Variants in HAUS3 observed in about 807,000 individuals in gnomAD.
HAUS3 encodes the protein HAUS augmin-like complex subunit 3.
In HAUS3, 36 loss-of-function variants were observed where a neutral mutation model predicts 55.2. The ratio of observed to expected loss-of-function variants is 0.65; its 90% CI spans 0.50 to 0.86. The LOEUF (loss-of-function observed/expected upper bound fraction) is 0.86, where lower values mean the gene tolerates loss of function less well. Ranked by LOEUF, HAUS3 falls within the 40% of genes least tolerant of loss-of-function variation. The pLI is 0.00. For synonymous variants in HAUS3, 234 were observed against 238.6 expected (o/e 0.98, Z 0.18); for missense variants, 752 against 671.5 (o/e 1.12, Z -1.33).
At chr4:2,239,358 C>G (rs1486060760) in intron 3 of HAUS3, among the ~76,000 whole-genome samples, 1 of 152,118 alleles carries the variant, frequency 6.6e-6, no homozygotes, top group Non-Finnish European at 1.5e-5. Flanking sequence ...GTATATGTTA[C>G]TAGTTTTTCT....
Position 2,240,165 on chromosome 4 carries a change from T to G in HAUS3, c.782A>C (p.Glu261Ala). 6.2e-7 allele frequency: 1 copy of G among 1,614,052 alleles called. No homozygotes were observed. The highest frequency in any genetic ancestry group is 8.5e-7 in the Non-Finnish European group (1 of 1,179,886). ...NQEILEERRL[E>A]MARLQLAYIC... ...GTATGCGAGCTGCAGTCTAGCCATCTCTAGTCGTCTCTCCTCAAGGATTTC... is the reference window on the plus strand; with the variant it reads ...GTATGCGAGCTGCAGTCTAGCCATCGCTAGTCGTCTCTCCTCAAGGATTTC... The change falls in exon 3 of 6, where the codon GAG (glutamate) becomes GCG (alanine). Residue 261 changes from glutamate (E) to alanine (A), a missense_variant. Glu to Ala is a moderately radical substitution (Grantham distance 107). Coordinates refer to ENST00000443786, the MANE Select transcript of HAUS3 (RefSeq NM_001303143.2).
At chr4:2,238,295 C>A (rs1734838488) in intron 4 of HAUS3, among the ~76,000 whole-genome samples, 2 of 152,172 alleles carry the variant, frequency 1.3e-5, no homozygotes, top group Non-Finnish European at 2.9e-5. Context: ...TGTATTCAAA[C>A]TTCCTGCCCC....
At position 2,240,582 on chromosome 4, in the gene HAUS3, T is replaced by G; in HGVS notation, c.365A>C (p.Lys122Thr). Reference sequence around the variant, plus strand: ...AGTTACTGAAGCCATCAATTGACATTTATTACGTCGCTGAATTTTTAGGTT... The same window carrying G: ...AGTTACTGAAGCCATCAATTGACATGTATTACGTCGCTGAATTTTTAGGTT... The part of the protein sequence containing the change: ...LKNLKIQRRN[K>T]CQLMASVTSH... The change falls in exon 3 of 6, where the codon AAA (lysine) becomes ACA (threonine). Residue 122 changes from lysine to threonine, a missense_variant. Coordinates refer to ENST00000443786, the MANE Select transcript of HAUS3 (RefSeq NM_001303143.2). 1.2e-6 allele frequency: 2 copies of G among 1,612,818 alleles called. No homozygotes were observed. The highest frequency in any genetic ancestry group is 1.7e-6 in the Non-Finnish European group (2 of 1,179,766).
Position 2,231,845 on chromosome 4 carries a change from A to G in HAUS3, c.*82T>C. 3 of 653,166 alleles carry G rather than the reference A, an allele frequency of 4.6e-6. No homozygotes were observed. The highest frequency in any genetic ancestry group is 8.0e-6 in the Non-Finnish European group (3 of 376,614). The allele number at this position is 653,166 out of a possible 1,614,324, so 40.5% of individuals were successfully genotyped here. A position where few individuals can be genotyped will look rare whatever the true frequency, so the allele number is the denominator to read the frequency against. On this transcript the variant is annotated 3_prime_UTR_variant, in exon 6 of 6. Coordinates refer to ENST00000443786, the MANE Select transcript of HAUS3 (RefSeq NM_001303143.2). ...AAATGTTCCATTGACCTCAAATTTTAAAAATTTAGTAGTGTTTATTATACA... is the reference window on the plus strand; with the variant it reads ...AAATGTTCCATTGACCTCAAATTTTGAAAATTTAGTAGTGTTTATTATACA...
At chr4:2,239,872 T>C (rs1734907627) in intron 3 of HAUS3, among the ~76,000 whole-genome samples, 166 bp downstream of exon 3, 1 of 152,374 alleles carries the variant, frequency 6.6e-6, no homozygotes, top group Non-Finnish European at 1.5e-5. Context: ...CGTATGGAAC[T>C]ATTTGTATGA....
chr4:2,231,605 A>T lies in HAUS3; in HGVS notation c.*322T>A, dbSNP rs957595952. On this transcript the variant is annotated 3_prime_UTR_variant, in exon 6 of 6. Coordinates refer to ENST00000443786, the MANE Select transcript of HAUS3 (RefSeq NM_001303143.2). ...AGAGTGAGACTCTATCTCAAAAAAAAATTTAACGGCAGAAAATTTCTATTT... is the reference window on the plus strand; with the variant it reads ...AGAGTGAGACTCTATCTCAAAAAAATATTTAACGGCAGAAAATTTCTATTT... The T allele has an allele frequency of 5.8e-6, 1 of 173,744 alleles. No homozygotes were observed. Among genetic ancestry groups the T allele is most frequent in the Non-Finnish European group, 1.2e-5 (1 of 83,216 alleles). 10.8% of individuals were successfully genotyped at this position (173,744 alleles called of 1,614,324 possible). A position where few individuals can be genotyped will look rare whatever the true frequency, so the allele number is the denominator to read the frequency against.
Position 2,242,110 on chromosome 4 carries a change from G to T in HAUS3, c.-478C>A. On this transcript the variant is annotated 5_prime_UTR_variant, in exon 1 of 6. Transcript: ENST00000443786. ...GCCGCCACCGCCCTCCGTGCCCCGCGCGCCTCGCACTGCCTCACGGGAGCG... is the reference window on the plus strand; with the variant it reads ...GCCGCCACCGCCCTCCGTGCCCCGCTCGCCTCGCACTGCCTCACGGGAGCG... 2 of 985,908 alleles carry T rather than the reference G, an allele frequency of 2.0e-6. No individual in the cohort carries two copies. The highest frequency in any genetic ancestry group is 2.4e-6 in the Non-Finnish European group (2 of 830,264). 61.1% of individuals were successfully genotyped at this position (985,908 alleles called of 1,614,324 possible). A position where few individuals can be genotyped will look rare whatever the true frequency, so the allele number is the denominator to read the frequency against.
chr4:2,239,266 G>A (rs755411354), intron 3 of HAUS3, among the ~76,000 whole-genome samples: 8 of 152,136 alleles, frequency 5.3e-5, no homozygotes, highest in Non-Finnish European at 1.0e-4. Flanking sequence ...CATATATATA[G>A]TAACGGCTAC....
rs552825077 is a variant in HAUS3 at position 2,235,047 on chromosome 4, G to A, written c.1578+1181C>T. 6.6e-5 allele frequency among the ~76,000 whole-genome samples: 10 copies of A among 152,184 alleles called. No individual in the cohort carries two copies. The East Asian group carries it at 9.6e-4, about 15-fold the overall frequency. ...ATTACAGTCACCCGCCACCACGCCC[G>A]GCTAATTTTTGTATTTTTAGTAGAG... On this transcript the variant is annotated intron_variant, in intron 5 of 5. Coordinates refer to ENST00000443786, the MANE Select transcript of HAUS3 (RefSeq NM_001303143.2).
chr4:2,229,119 G>A lies in HAUS3; in HGVS notation c.*2808C>T. 6.2e-7 allele frequency: 1 copy of A among 1,607,470 alleles called. No homozygotes were observed. The highest frequency in any genetic ancestry group is 1.1e-5 in the South Asian group (1 of 90,476). On this transcript the variant is annotated 3_prime_UTR_variant, in exon 6 of 6. Transcript: ENST00000443786. ...CTTACTCTCTGTACTCTTTCCCCAA[G>A]TCTTAGAATCCACTAAATCACCTGA...
chr4:2,231,491 T>TG lies in HAUS3; in HGVS notation c.*435dup, dbSNP rs1734577364. ...GTGTGCGCCTGTAGTCCCAGCTACT[T>TG]GGGAGGCTGAGGCAGGAGAATCACT... On this transcript the variant is annotated 3_prime_UTR_variant, in exon 6 of 6. Transcript: ENST00000443786. 1 of 154,690 alleles carries TG rather than the reference T, an allele frequency of 6.5e-6. No homozygotes were observed. Among genetic ancestry groups the TG allele is most frequent in the South Asian group, 2.0e-4 (1 of 4,950 alleles). 9.6% of individuals were successfully genotyped at this position (154,690 alleles called of 1,614,324 possible). A position where few individuals can be genotyped will look rare whatever the true frequency, so the allele number is the denominator to read the frequency against.
chr4:2,235,765 A>ATG (rs1244341403), intron 5 of HAUS3, among the ~76,000 whole-genome samples: 2 of 152,190 alleles, frequency 1.3e-5, no homozygotes, highest in African/African-American at 2.4e-5. Flanking sequence ...ATATGTGTGT[A>ATG]TGTGTGTGCG....
At chr4:2,232,852 A>G (rs1156995236) in intron 5 of HAUS3, among the ~76,000 whole-genome samples, 1 of 152,182 alleles carries the variant, frequency 6.6e-6, no homozygotes, top group Non-Finnish European at 1.5e-5. Context: ...AATTTTAGCC[A>G]GTATCACCAA....
intron 4 of HAUS3, among the ~76,000 whole-genome samples, chr4:2,238,245 G>A (rs919835426): frequency 2.0e-5 from 3 of 151,978 alleles, no homozygotes; most frequent in Non-Finnish European, 4.4e-5. Context: ...TTCTCCAAAT[G>A]CAGTCAGTCC....
At chr4:2,241,838 C>T (rs1043802313) in intron 1 of HAUS3, 48 bp from the exon 2 acceptor site, 200 of 985,408 alleles carry the variant, frequency 2.0e-4, no homozygotes, top group Non-Finnish European at 2.3e-4. Flanking sequence ...CGACACCGAG[C>T]TGCAGAAGAC....
rs780542554 is a variant in HAUS3 at position 2,240,355 on chromosome 4, A to T, written c.592T>A (p.Phe198Ile). The T allele has an allele frequency of 6.2e-7, 1 of 1,602,100 alleles. No homozygotes were observed. Among genetic ancestry groups the T allele is most frequent in the South Asian group, 1.1e-5 (1 of 90,224 alleles). ...TGACTTAGGTATTTTTCCAAGGAAA[A>T]TTGCGATAAAAATACCAGTGGATTT... ...GTNPLVFLSQ[F>I]SLEKYLSQEE... Residue 198 changes from phenylalanine (F) to isoleucine (I), a missense_variant, in exon 3 of 6, where the codon TTT becomes ATT. Transcript: ENST00000443786.
chr4:2,241,750 C>A lies in HAUS3; in HGVS notation c.-378G>T. The A allele has an allele frequency of 1.0e-6, 1 of 985,494 alleles. No homozygotes were observed. The highest frequency in any genetic ancestry group is 1.2e-6 in the Non-Finnish European group (1 of 829,952). 61.0% of individuals were successfully genotyped at this position (985,494 alleles called of 1,614,324 possible). On this transcript the variant is annotated 5_prime_UTR_variant, in exon 2 of 6. Transcript: ENST00000443786. The stretch of plus-strand genomic sequence containing the variant: ...TACACCAGACGCGCCAGCGGCAAAA[C>A]CTTCCTTCGGAGGGTCACCCAGCTG...
At chr4:2,241,934 T>A in intron 1 of HAUS3, 117 bp downstream of exon 1, 1 of 985,316 alleles carries the variant, frequency 1.0e-6, no homozygotes, top group African/African-American at 1.7e-5. Flanking sequence ...CTGGAGCACC[T>A]GGAAGGAGCC....
In HAUS3 at chr4:2,229,304, A is replaced by T; in HGVS notation, c.*2623T>A. 1 of 1,328,248 alleles carries T rather than the reference A, an allele frequency of 7.5e-7. No individual in the cohort carries two copies. Among genetic ancestry groups the T allele is most frequent in the African/African-American group, 1.5e-5 (1 of 65,868 alleles). 82.3% of individuals were successfully genotyped at this position (1,328,248 alleles called of 1,614,324 possible). ...ATTAATCCTAAGACTATAAAACAGG[A>T]AATACAATTATTTTCAAAAATTTAT... On this transcript the variant is annotated 3_prime_UTR_variant, in exon 6 of 6. Coordinates refer to ENST00000443786, the MANE Select transcript of HAUS3 (RefSeq NM_001303143.2).
Sources: gnomAD v4.1 joint callset for allele counts (sites outside exome capture counted in the v4.1 genomes callset) on GRCh38, gnomAD v4.1.1 for gene constraint, MANE v1.5 for transcripts, NCBI Gene and HGNC (gene_info 2026-07-23, HGNC 2026-07-21) for gene names.